Variants in ERICH1 observed in about 807,000 individuals in gnomAD.
ERICH1 encodes the protein glutamate-rich protein 1.
In ERICH1, 56 loss-of-function variants were observed where a neutral mutation model predicts 39.6. The observed-to-expected ratio is 1.41, with a 90% CI of 1.14 to 1.77. ERICH1 has a LOEUF of 1.77. Among genes scored for constraint, ERICH1 ranks in the 40% most tolerant of loss-of-function variants. ERICH1 has a pLI of 0.00. For synonymous variants in ERICH1, 313 were observed against 223.6 expected, an observed-to-expected ratio of 1.40 and a Z score of -3.57; for missense variants, 826 against 575.4, an observed-to-expected ratio of 1.44 and a Z score of -4.45.
At chr8:620,323 A>C (rs1301875223) in intron 3 of ERICH1, among the ~76,000 whole-genome samples, 1 of 152,230 alleles carries the variant, frequency 6.6e-6, no homozygotes, top group East Asian at 1.9e-4. Flanking sequence ...AAAAATAAAT[A>C]AATCAATAAA....
At chr8:703,260 A>C (rs1390670808) in intron 2 of ERICH1, among the ~76,000 whole-genome samples, 1 of 152,234 alleles carries the variant, frequency 6.6e-6, no homozygotes, top group Non-Finnish European at 1.5e-5. Flanking sequence ...GACCAAGTGC[A>C]CACACCCCAT....
chr8:632,817 T>G (rs1798126230), intron 3 of ERICH1, among the ~76,000 whole-genome samples: 1 of 152,084 alleles, frequency 6.6e-6, no homozygotes, highest in Non-Finnish European at 1.5e-5. Context: ...TGGCAATGTG[T>G]GGAGTCATTT....
chr8:715,447 G>T (rs1815688784), intron 2 of ERICH1, among the ~76,000 whole-genome samples: 1 of 152,194 alleles, frequency 6.6e-6, no homozygotes, highest in African/African-American at 2.4e-5. Flanking sequence ...GTCTGCCAAA[G>T]ACCACGGGAC....
chr8:731,085 T>G, intron 1 of ERICH1, 55 bp downstream of exon 1: 1 of 1,407,838 alleles, frequency 7.1e-7, no homozygotes, highest in Admixed American at 3.0e-5. Flanking sequence ...CACCGCGGTC[T>G]GAGCCGAGAG....
intron 3 of ERICH1, among the ~76,000 whole-genome samples, chr8:676,280 C>CG (rs1462054533): frequency 2.0e-4 from 1 of 4,982 alleles, no homozygotes; most frequent in Non-Finnish European, 6.4e-4. Flanking sequence ...GGCGGCCCCT[C>CG]GTGAGGACAG....
intron 2 of ERICH1, 68 bp downstream of exon 2, chr8:715,793 A>C: frequency 6.5e-7 from 1 of 1,547,954 alleles, no homozygotes; most frequent in Admixed American, 1.9e-5. Flanking sequence ...ACATTCTCCA[A>C]GGCAAGTGAT....
At chr8:658,913 G>T (rs138861789) in intron 3 of ERICH1, among the ~76,000 whole-genome samples, 1 of 152,102 alleles carries the variant, frequency 6.6e-6, no homozygotes, top group Non-Finnish European at 1.5e-5. Context: ...CTTGCTCTGC[G>T]ACCCAGGGGC....
At chr8:713,088 T>A (rs780599587) in intron 2 of ERICH1, among the ~76,000 whole-genome samples, 2 of 152,252 alleles carry the variant, frequency 1.3e-5, no homozygotes, top group Non-Finnish European at 2.9e-5. Context: ...TCTCTCTCAG[T>A]TGTCACAGGG....
At chr8:655,342 A>G (rs1800495972) in intron 3 of ERICH1, among the ~76,000 whole-genome samples, 1 of 152,236 alleles carries the variant, frequency 6.6e-6, no homozygotes, top group African/African-American at 2.4e-5. Context: ...GCAGATAGTA[A>G]TTAAGCCTGC....
At chr8:616,908 G>C (rs1796948121) in intron 3 of ERICH1, among the ~76,000 whole-genome samples, 4 of 54,196 alleles carry the variant, frequency 7.4e-5, no homozygotes, top group Non-Finnish European at 1.2e-4. Flanking sequence ...CACACAGAGA[G>C]AGAGAGAGAG....
At chr8:716,240 G>A (rs1200348170) in intron 1 of ERICH1, among the ~76,000 whole-genome samples, 1 of 152,228 alleles carries the variant, frequency 6.6e-6, no homozygotes, top group Non-Finnish European at 1.5e-5. Context: ...GCCATCAGCT[G>A]ACCCTCTCTC....
chr8:672,066 T>C (rs763759016), intron 4 of ERICH1: 1 of 153,300 alleles, frequency 6.5e-6, no homozygotes. Flanking sequence ...GATGTTTCCA[T>C]GATAATCTCC....
downstream of ERICH1, among the ~76,000 whole-genome samples, chr8:663,530 C>CGGGACAGGT (rs943023271): frequency 6.6e-6 from 1 of 151,194 alleles, no homozygotes; most frequent in Non-Finnish European, 1.5e-5. Context: ...GCGGGACAGG[C>CGGGACAGGT]GGGACAGGCA....
chr8:616,386 G>C (rs941465667), intron 3 of ERICH1: 1 of 363,154 alleles, frequency 2.8e-6, no homozygotes, highest in Non-Finnish European at 5.5e-6. Flanking sequence ...GCCGTCCAGA[G>C]AGAAACTCCT....
intron 3 of ERICH1, chr8:626,362 G>T (rs1797594480): frequency 6.6e-6 from 1 of 152,176 alleles, no homozygotes; most frequent in Non-Finnish European, 1.5e-5. Context: ...CTTCTCTAAA[G>T]ACCCTACTTG....
In ERICH1 at chr8:644,629, C is replaced by T. The variant is rs1162663074; in HGVS notation, c.976+23969G>A. Among the ~76,000 whole-genome samples the T allele has an allele frequency of 1.9e-4, 13 of 69,010 alleles. 6 individuals are homozygous for T. The highest frequency in any genetic ancestry group is 4.1e-4 in the Non-Finnish European group (9 of 22,022). The allele number at this position is 69,010 out of a possible 152,430, so 45.3% of individuals were successfully genotyped here. ...CTGTAGCAAGTTAACAGGACCCCAG[C>T]GCCTTCCAGGAGCTGCGTGAGTGGT... On this transcript the variant is annotated intron_variant, in intron 3 of 3. Transcript: ENST00000522706.
intron 3 of ERICH1, among the ~76,000 whole-genome samples, chr8:690,281 A>G (rs942567552): frequency 2.6e-5 from 4 of 152,222 alleles, no homozygotes; most frequent in Non-Finnish European, 5.9e-5. Flanking sequence ...GAGATTACCC[A>G]AAGAACACAG....
At chr8:658,223 C>A (rs1173981393) in intron 3 of ERICH1, among the ~76,000 whole-genome samples, 1 of 152,226 alleles carries the variant, frequency 6.6e-6, no homozygotes, top group Non-Finnish European at 1.5e-5. Context: ...GAGGGCCCAG[C>A]CTGGCCCCTT....
At chr8:727,346 T>C (rs761957444) in intron 1 of ERICH1, among the ~76,000 whole-genome samples, 4 of 152,192 alleles carry the variant, frequency 2.6e-5, no homozygotes, top group Non-Finnish European at 5.9e-5. Context: ...GCCAGCACCG[T>C]GGACAGCGCC....
Sources: gnomAD v4.1 joint callset for allele counts (sites outside exome capture counted in the v4.1 genomes callset) on GRCh38, gnomAD v4.1.1 for gene constraint, MANE v1.5 for transcripts, NCBI Gene and HGNC (gene_info 2026-07-23, HGNC 2026-07-21) for gene names.